Variants in CCDC47 observed in about 807,000 individuals in gnomAD.
CCDC47 encodes the protein PAT complex subunit CCDC47.
In CCDC47, 41 loss-of-function variants were observed where a neutral mutation model predicts 60.5. The ratio of observed to expected loss-of-function variants is 0.68; its 90% confidence interval spans 0.53 to 0.88. CCDC47 has a LOEUF of 0.88. Ranked by LOEUF, CCDC47 falls within the 40% of genes least tolerant of loss-of-function variation. CCDC47 has a pLI of 0.00. For synonymous variants in CCDC47, 195 were observed against 190.7 expected, an observed-to-expected ratio of 1.02 and a Z score of -0.18; for missense variants, 513 against 580.9, an observed-to-expected ratio of 0.88 and a Z score of 1.20.
intron 1 of CCDC47, among the ~76,000 whole-genome samples, chr17:63,768,125 G>A (rs1227512701): frequency 6.6e-6 from 1 of 152,076 alleles, no homozygotes; most frequent in Non-Finnish European, 1.5e-5. Flanking sequence ...ATCATCAAAG[G>A]CTAACCAATT....
At position 63,752,339 on chromosome 17, in the gene CCDC47, T is replaced by A; in HGVS notation, c.1184A>T (p.Lys395Met). 1.2e-6 allele frequency: 2 copies of A among 1,613,070 alleles called. No homozygotes were observed. Among genetic ancestry groups the A allele is most frequent in the South Asian group, 1.1e-5 (1 of 91,022 alleles). The change falls in exon 11 of 13, where the codon AAG (lysine) becomes ATG (methionine). Residue 395 changes from lysine (K) to methionine (M), a missense_variant. Transcript: ENST00000225726. ...TCTTACTTCTCTGTTGAGTCGGAACTTTTTGGCTTTATCAATAGAATAAAT... is the reference window on the plus strand; with the variant it reads ...TCTTACTTCTCTGTTGAGTCGGAACATTTTGGCTTTATCAATAGAATAAAT... ...MVIYSIDKAK[K>M]FRLNREGKQK... is the part of the protein sequence containing the mutation.
At chr17:63,773,050 G>A (rs1180739726) in intron 1 of CCDC47, among the ~76,000 whole-genome samples, 1 of 152,210 alleles carries the variant, frequency 6.6e-6, no homozygotes, top group Non-Finnish European at 1.5e-5. Context: ...CGGCCAAAAC[G>A]AGTATTCTGG....
intron 6 of CCDC47, 40 bp from the exon 7 acceptor site, chr17:63,756,610 A>G (rs749114746): frequency 1.4e-6 from 2 of 1,407,842 alleles, no homozygotes; most frequent in African/African-American, 2.8e-5. Flanking sequence ...TTCACCTGTT[A>G]GGTTCTGTGA....
intron 12 of CCDC47, among the ~76,000 whole-genome samples, chr17:63,750,734 G>A (rs544106988): frequency 4.5e-4 from 68 of 151,828 alleles, no homozygotes; most frequent in Non-Finnish European, 9.3e-4. Context: ...ACAGGCACGC[G>A]CCACCACGCC....
chr17:63,760,848 A>C (rs2039253349), intron 6 of CCDC47, 66 bp downstream of exon 6: 1 of 1,219,030 alleles, frequency 8.2e-7, no homozygotes, highest in Non-Finnish European at 1.2e-6. Context: ...AAAAAAAAAA[A>C]AAAAAGAAAG....
rs141749149 is a variant in CCDC47 at position 63,748,890 on chromosome 17, T to C, written c.1372-1929A>G. 3.1e-3 allele frequency among the ~76,000 whole-genome samples: 467 copies of C among 151,996 alleles called. 6 individuals carry two copies. Among genetic ancestry groups the C allele is most frequent in the African/African-American group, 0.011 (455 of 41,464 alleles). ...TTAGCCAGGTGTGGTGGCGGGCACC[T>C]GTAATCCCAGCTACTTGGGAGGCTG... On this transcript the variant is annotated intron_variant, in intron 12 of 12. Coordinates refer to ENST00000225726, the MANE Select transcript of CCDC47 (RefSeq NM_020198.3).
At chr17:63,759,508 AATATATATATATATATATTTATAT>A (rs2039234647) in intron 6 of CCDC47, among the ~76,000 whole-genome samples, 8 of 19,648 alleles carry the variant, frequency 4.1e-4, no homozygotes, top group African/African-American at 3.6e-3. Context: ...AAAAAAAAAA[AATATATATATATATATATTTATAT>A]ATATATATAT....
intron 2 of CCDC47, 118 bp from the exon 3 acceptor site, chr17:63,764,965 C>T: frequency 6.9e-7 from 1 of 1,457,514 alleles, no homozygotes; most frequent in Middle Eastern, 2.2e-4. Context: ...GCACAGAAAA[C>T]AGATGTTACA....
At position 63,766,321 on chromosome 17, in the gene CCDC47, A is replaced by G. The variant is rs1006454023; in HGVS notation, c.-19-127T>C. On this transcript the variant is annotated intron_variant, in intron 1 of 12. Transcript: ENST00000225726. ...TTTGGTACTATTAGATTCAGACCAC[A>G]TTATATAAAGAACAATGAAGTAAGG... The G allele has an allele frequency of 8.1e-6, 7 of 866,374 alleles. No individual in the cohort carries two copies. In the African/African-American group the frequency reaches 1.2e-4, roughly 15 times the overall value. 53.7% of individuals were successfully genotyped at this position (866,374 alleles called of 1,614,324 possible). A position where few individuals can be genotyped will look rare whatever the true frequency, so the allele number is the denominator to read the frequency against.
At chr17:63,754,378 C>A in intron 9 of CCDC47, 55 bp downstream of exon 9, 1 of 1,106,282 alleles carries the variant, frequency 9.0e-7, no homozygotes, top group South Asian at 1.3e-5. Context: ...ACAGGTGTTT[C>A]AACACAGAAA....
chr17:63,760,872 A>G (rs375918277), intron 6 of CCDC47, 42 bp downstream of exon 6: 39 of 1,339,572 alleles, frequency 2.9e-5, no homozygotes, highest in Non-Finnish European at 3.9e-5. Flanking sequence ...GAAAACAAAT[A>G]ATTCAGTCTG....
intron 1 of CCDC47, chr17:63,767,012 A>T (rs1324170520): frequency 3.7e-6 from 3 of 802,158 alleles, no homozygotes; most frequent in Non-Finnish European, 4.5e-6. Flanking sequence ...CAAAGACTTT[A>T]CAAAAAGCAA....
rs750604908 is a variant in CCDC47 at position 63,752,404 on chromosome 17, T to C, written c.1119A>G (p.Pro373=). 2 of 1,613,522 alleles carry C rather than the reference T, an allele frequency of 1.2e-6. No homozygotes were observed. The highest frequency in any genetic ancestry group is 1.7e-6 in the Non-Finnish European group (2 of 1,179,608). ...FNVPGSGNTY[P]KDMEALLPLM... is the part of the protein sequence containing the mutation. ...GGGGTAGCAGTGCCTCCATATCCTT[T>C]GGGTAAGTGTTACCTGAGCCAGGCA... Residue 373 remains proline (P), a synonymous_variant, in exon 11 of 13, where the codon CCA becomes CCG. Coordinates refer to ENST00000225726, the MANE Select transcript of CCDC47 (RefSeq NM_020198.3).
chr17:63,761,273 C>T lies in CCDC47; in HGVS notation c.626G>A (p.Cys209Tyr), dbSNP rs2039257642. 3 of 1,613,992 alleles carry T rather than the reference C, an allele frequency of 1.9e-6. No individual in the cohort carries two copies. The highest frequency in any genetic ancestry group is 1.3e-5 in the African/African-American group (1 of 74,890). Residue 209 changes from cysteine (C) to tyrosine (Y), a missense_variant, in exon 5 of 13, where the codon TGT becomes TAT. Physicochemically the swap from Cys to Tyr is radical, Grantham distance 194. Coordinates refer to ENST00000225726, the MANE Select transcript of CCDC47 (RefSeq NM_020198.3). ...QENEHIYNLW[C>Y]SGRVCCEGML... is the part of the protein sequence containing the mutation. ...GCCCTCACAGCACACTCGACCAGAA[C>T]ACCACAGGTTATAGATGTGCTCATT...
At chr17:63,756,766 G>C (rs1013075212) in intron 6 of CCDC47, among the ~76,000 whole-genome samples, 196 bp from the exon 7 acceptor site, 1 of 152,138 alleles carries the variant, frequency 6.6e-6, no homozygotes, top group Non-Finnish European at 1.5e-5. Flanking sequence ...TCAGCTGACT[G>C]TGAATTAACC....
In CCDC47 at chr17:63,749,673, C is replaced by T. The variant is rs557280474; in HGVS notation, c.1371+2267G>A. Among the ~76,000 whole-genome samples the T allele has an allele frequency of 2.8e-3, 431 of 151,716 alleles. 1 individual carries two copies. The highest frequency in any genetic ancestry group is 8.7e-3 in the African/African-American group (361 of 41,342). ...CTGAGGCAGAAGAATCGCTTGAACC[C>T]GGGAGGTGGAGGCTGCAGCGAGCTG... On this transcript the variant is annotated intron_variant, in intron 12 of 12. Transcript: ENST00000225726.
At chr17:63,761,878 ATT>A (rs2039264220) in intron 4 of CCDC47, 38 of 832,148 alleles carry the variant, frequency 4.6e-5, no homozygotes, top group Non-Finnish European at 5.5e-5. Flanking sequence ...AGAAATATGG[ATT>A]CTAAGCACAT....
At chr17:63,767,972 C>G (rs138746690) in intron 1 of CCDC47, among the ~76,000 whole-genome samples, 1 of 152,274 alleles carries the variant, frequency 6.6e-6, no homozygotes, top group East Asian at 1.9e-4. Flanking sequence ...ATAGCCACTA[C>G]AAGTTACCCC....
chr17:63,755,016 G>C (rs1314440435), intron 8 of CCDC47, among the ~76,000 whole-genome samples: 1 of 152,014 alleles, frequency 6.6e-6, no homozygotes, highest in Non-Finnish European at 1.5e-5. Flanking sequence ...TCTTACCCAG[G>C]CTAGAGTGCA....
Sources: gnomAD v4.1 joint callset for allele counts (sites outside exome capture counted in the v4.1 genomes callset) on GRCh38, gnomAD v4.1.1 for gene constraint, MANE v1.5 for transcripts, NCBI Gene and HGNC (gene_info 2026-07-23, HGNC 2026-07-21) for gene names.